Variants in DROSHA observed in about 807,000 individuals in gnomAD.
DROSHA encodes ribonuclease 3.
Under a neutral mutation model 181.9 loss-of-function variants are expected in DROSHA, and 56 were observed. The ratio of observed to expected loss-of-function variants is 0.31; its 90% CI spans 0.25 to 0.38. The LOEUF is 0.38. DROSHA is among the 10% of genes least tolerant of loss of function. The pLI is 1.00. For synonymous variants in DROSHA, 524 were observed against 591.2 expected (o/e 0.89, Z 1.65); for missense variants, 1,218 against 1,743.5 (o/e 0.70, Z 5.37).
intron 26 of DROSHA, among the ~76,000 whole-genome samples, chr5:31,430,125 T>C (rs1010712728): frequency 6.6e-6 from 1 of 152,218 alleles, no homozygotes; most frequent in Non-Finnish European, 1.5e-5. Flanking sequence ...AGTACTCATA[T>C]TTTCTTGAAA....
intron 16 of DROSHA, among the ~76,000 whole-genome samples, chr5:31,474,979 A>G (rs76407881): frequency 0.017 from 2,538 of 152,316 alleles, 29 homozygotes; most frequent in Non-Finnish European, 0.028. Flanking sequence ...GTACAGTTCA[A>G]TCGAAGACAC....
At chr5:31,522,168 C>A (rs1739964598) in intron 5 of DROSHA, among the ~76,000 whole-genome samples, 1 of 152,178 alleles carries the variant, frequency 6.6e-6, no homozygotes, top group South Asian at 2.1e-4. Context: ...TTCCCCTGTT[C>A]TAAAGGAAGA....
intron 30 of DROSHA, among the ~76,000 whole-genome samples, chr5:31,414,777 C>T (rs556934570): frequency 1.3e-5 from 2 of 152,302 alleles, no homozygotes; most frequent in East Asian, 3.9e-4. Context: ...AATTTGTTTT[C>T]AATGTAAAAT....
intron 28 of DROSHA, 148 bp downstream of exon 28, chr5:31,424,279 G>A: frequency 1.0e-6 from 1 of 1,004,838 alleles, no homozygotes; most frequent in Non-Finnish European, 1.5e-6. Flanking sequence ...TTGTTCCAAA[G>A]TTTTCCAGGT....
chr5:31,452,817 G>A (rs1193294268), intron 20 of DROSHA, among the ~76,000 whole-genome samples: 2 of 152,218 alleles, frequency 1.3e-5, no homozygotes, highest in African/African-American at 2.4e-5. Context: ...CTTACAATAT[G>A]TGTGGAAGAC....
Position 31,435,778 on chromosome 5 carries a change from G to C in DROSHA, c.3029C>G (p.Ala1010Gly), listed in dbSNP as rs1744711620. ...RTAIVQNQHLAMLAKKLELDR... is the reference protein window; with the variant it reads ...RTAIVQNQHLGMLAKKLELDR... ...TGTCTTCTATACCTTTGCTAGCATG[G>C]CAAGGTGCTGATTCTGAACAATGGC... Residue 1010 changes from alanine to glycine, a missense_variant, in exon 25 of 36, where the codon GCC (alanine) becomes GGC (glycine). Physicochemically the swap from Ala to Gly is moderately conservative, Grantham distance 60 (BLOSUM62 0). This residue lies in a region of DROSHA where 460 missense variants were observed against 774.2 expected (regional missense o/e 0.59). Transcript: ENST00000344624. The C allele has an allele frequency of 6.2e-7, 1 of 1,613,726 alleles. No individual in the cohort carries two copies. Among genetic ancestry groups the C allele is most frequent in the Admixed American group, 1.7e-5 (1 of 60,004 alleles).
chr5:31,529,749 A>AAC (rs1741048941), intron 3 of DROSHA, among the ~76,000 whole-genome samples: 1 of 142,486 alleles, frequency 7.0e-6, no homozygotes, highest in African/African-American at 2.7e-5. Context: ...AAAAAAAAAC[A>AAC]AAAAAAAAAA....
chr5:31,444,767 A>G (rs913608425), intron 23 of DROSHA, among the ~76,000 whole-genome samples: 1 of 152,212 alleles, frequency 6.6e-6, no homozygotes, highest in African/African-American at 2.4e-5. Flanking sequence ...GGCTGTTTTA[A>G]TTCATTCTTT....
intron 20 of DROSHA, among the ~76,000 whole-genome samples, chr5:31,461,923 T>C (rs1052502589): frequency 2.5e-4 from 38 of 152,286 alleles, no homozygotes; most frequent in African/African-American, 8.7e-4. Flanking sequence ...TAATATTTAA[T>C]ATGTCAAAAT....
At chr5:31,520,004 TGCCATCTG>T (rs1739708229) in intron 6 of DROSHA, among the ~76,000 whole-genome samples, 1 of 152,206 alleles carries the variant, frequency 6.6e-6, no homozygotes, top group African/African-American at 2.4e-5. Context: ...GGTTAGGTTT[TGCCATCTG>T]GTTTTTCCTG....
chr5:31,446,198 G>A (rs879692921), intron 23 of DROSHA, among the ~76,000 whole-genome samples: 1 of 152,100 alleles, frequency 6.6e-6, no homozygotes, highest in Non-Finnish European at 1.5e-5. Context: ...TGTAATCCCA[G>A]CACTTTGGGA....
chr5:31,416,036 T>TC (rs111403555), intron 30 of DROSHA, among the ~76,000 whole-genome samples: 1 of 152,202 alleles, frequency 6.6e-6, no homozygotes, highest in Non-Finnish European at 1.5e-5. Flanking sequence ...AGAATGTTTT[T>TC]CCCCATCAGC....
At position 31,526,618 on chromosome 5, in the gene DROSHA, G is replaced by T. The variant is rs766953102; in HGVS notation, c.315C>A (p.His105Gln). Reference sequence around the variant, plus strand: ...GAACTGGGAAGGGGTGCCTCATCTGGTGGTTGGGGAAAGGCGGCCTGATTG... The same window carrying T: ...GAACTGGGAAGGGGTGCCTCATCTGTTGGTTGGGGAAAGGCGGCCTGATTG... ...PCPIRPPFPN[H>Q]QMRHPFPVPP... Residue 105 changes from histidine to glutamine, a missense_variant, in exon 5 of 36, where the codon CAC becomes CAA. Around this residue, in one of 8 missense-constraint regions of DROSHA, gnomAD observed 536 missense variants for 535.4 expected, o/e 1.00. Transcript: ENST00000344624. The T allele has an allele frequency of 2.0e-6, 3 of 1,522,702 alleles. No homozygotes were observed. The highest frequency in any genetic ancestry group is 4.5e-5 in the Admixed American group (2 of 44,938). The allele number at this position is 1,522,702 out of a possible 1,614,324, so 94.3% of individuals were successfully genotyped here. A position where few individuals can be genotyped will look rare whatever the true frequency, so the allele number is the denominator to read the frequency against.
chr5:31,413,622 G>GTGC (rs984664275), intron 30 of DROSHA, among the ~76,000 whole-genome samples: 8 of 152,190 alleles, frequency 5.3e-5, no homozygotes, highest in Middle Eastern at 3.2e-3. Context: ...GAGGAGCAAC[G>GTGC]TGCTGCTGCT....
chr5:31,517,163 G>A (rs1190516068), intron 6 of DROSHA, among the ~76,000 whole-genome samples: 3 of 152,186 alleles, frequency 2.0e-5, no homozygotes, highest in Non-Finnish European at 2.9e-5. Flanking sequence ...TGAACATTCT[G>A]GTCACAGGCT....
At chr5:31,432,649 T>C (rs771298302) in intron 25 of DROSHA, among the ~76,000 whole-genome samples, 7 of 152,194 alleles carry the variant, frequency 4.6e-5, no homozygotes, top group African/African-American at 7.2e-5. Context: ...AAAATAGCAT[T>C]TGTAGTGAAT....
chr5:31,446,689 A>C (rs1746343159), intron 23 of DROSHA, among the ~76,000 whole-genome samples: 1 of 151,240 alleles, frequency 6.6e-6, no homozygotes, highest in Non-Finnish European at 1.5e-5. Context: ...AAAAAAAAAA[A>C]AAAAAGGTTA....
At chr5:31,484,991 G>A (rs757877201) in intron 14 of DROSHA, 29 bp from the exon 15 acceptor site, 30 of 1,489,158 alleles carry the variant, frequency 2.0e-5, no homozygotes, top group East Asian at 1.5e-4. Flanking sequence ...TTAAATTACT[G>A]TAGTTTGGCA....
chr5:31,448,525 GT>G (rs778576858), intron 23 of DROSHA, 21 bp downstream of exon 23: 26 of 1,599,718 alleles, frequency 1.6e-5, no homozygotes, highest in Admixed American at 5.0e-5. Context: ...CAATCAGGTT[GT>G]TTATTAAAAA....
Sources: gnomAD v4.1 joint callset for allele counts (sites outside exome capture counted in the v4.1 genomes callset) on GRCh38, gnomAD v4.1.1 for gene constraint, gnomAD v4.1.1 regional missense constraint, MANE v1.5 for transcripts, NCBI Gene and HGNC (gene_info 2026-07-23, HGNC 2026-07-21) for gene names.